Variants in MCHR2 observed in about 807,000 individuals in gnomAD.
MCHR2 encodes melanin-concentrating hormone receptor 2.
MCHR2 carries 15 observed loss-of-function variants against 24.8 expected under a neutral mutation model. The observed-to-expected ratio is 0.60, with a 90% CI of 0.40 to 0.93. The LOEUF (loss-of-function observed/expected upper bound fraction) is 0.93, where lower values mean the gene tolerates loss of function less well. MCHR2 is among the 40% of genes least tolerant of loss of function. MCHR2 has a pLI of 0.00. For missense variants in MCHR2, 386 were observed against 408.7 expected (o/e 0.94, Z 0.48); for synonymous variants, 151 against 147.6 (o/e 1.02, Z -0.17).
chr6:99,929,291 G>T (rs1285911392), intron 5 of MCHR2, among the ~76,000 whole-genome samples: 1 of 151,904 alleles, frequency 6.6e-6, no homozygotes, highest in East Asian at 1.9e-4. Flanking sequence ...GTGTGGTGTG[G>T]TGCTGAAAAA....
At chr6:99,958,231 G>A (rs1186033323) in intron 1 of MCHR2, among the ~76,000 whole-genome samples, 1 of 151,966 alleles carries the variant, frequency 6.6e-6, no homozygotes, top group African/African-American at 2.4e-5. Context: ...TTAGAGAAGT[G>A]AGGAAAGAAT....
At chr6:99,948,695 C>T (rs547741917) in intron 2 of MCHR2, among the ~76,000 whole-genome samples, 2 of 152,296 alleles carry the variant, frequency 1.3e-5, no homozygotes, top group South Asian at 2.1e-4. Context: ...GTTATACCAA[C>T]TTTAAATACA....
intron 1 of MCHR2, among the ~76,000 whole-genome samples, chr6:99,970,596 T>C (rs1775390470): frequency 6.6e-6 from 1 of 152,228 alleles, no homozygotes; most frequent in Admixed American, 6.5e-5. Flanking sequence ...TTGGCTTTTG[T>C]TGCCTTTGTT....
rs770957970 is a variant in MCHR2 at position 99,934,429 on chromosome 6, C to T, written c.676G>A (p.Glu226Lys). 5 of 1,601,496 alleles carry T rather than the reference C, an allele frequency of 3.1e-6. No homozygotes were observed. The East Asian group carries it at 6.8e-5, about 22-fold the overall frequency. ...GCATCCTTATTCTGTTGATACATCT[C>T]CCAAGTATAGCATAAAATTAAAATA... ...CYILILCYTW[E>K]MYQQNKDARC... The change falls in exon 5 of 6, where the codon GAG becomes AAG. Residue 226 changes from glutamate (E) to lysine (K), a missense_variant. By Grantham distance (56) the Glu-to-Lys change is moderately conservative. Transcript: ENST00000281806.
At chr6:99,949,177 A>G (rs754991571) in intron 2 of MCHR2, among the ~76,000 whole-genome samples, 1 of 152,226 alleles carries the variant, frequency 6.6e-6, no homozygotes, top group Non-Finnish European at 1.5e-5. Context: ...AGCACCAATT[A>G]CATGGCAGGC....
intron 1 of MCHR2, among the ~76,000 whole-genome samples, chr6:99,964,051 G>A (rs1272696926): frequency 6.6e-6 from 1 of 152,086 alleles, no homozygotes; most frequent in Non-Finnish European, 1.5e-5. Flanking sequence ...CTGAAGATAA[G>A]GAAAAGGCTA....
At chr6:99,924,023 A>T (rs1023354208) in intron 5 of MCHR2, among the ~76,000 whole-genome samples, 4 of 152,112 alleles carry the variant, frequency 2.6e-5, no homozygotes, top group Non-Finnish European at 5.9e-5. Context: ...GGATTCAATG[A>T]AGCCATTGGG....
At chr6:99,934,346 C>T in intron 5 of MCHR2, 52 bp downstream of exon 5, 1 of 1,489,682 alleles carries the variant, frequency 6.7e-7, no homozygotes, top group Non-Finnish European at 8.9e-7. Flanking sequence ...TTGTAGATGT[C>T]TTAGGCTATC....
chr6:99,991,697 C>T (rs766853512), intron 1 of MCHR2, among the ~76,000 whole-genome samples: 4 of 149,384 alleles, frequency 2.7e-5, no homozygotes, highest in Non-Finnish European at 5.9e-5. Context: ...GTCCCAGCTA[C>T]TCTGCAGGCT....
At chr6:99,983,691 C>A (rs922111079) in intron 1 of MCHR2, among the ~76,000 whole-genome samples, 1 of 152,024 alleles carries the variant, frequency 6.6e-6, no homozygotes, top group Non-Finnish European at 1.5e-5. Context: ...TCGAAACACT[C>A]TCTTCTCTTG....
In MCHR2 at chr6:99,947,787, TG is replaced by T; in HGVS notation, c.366del (p.Ile123SerfsTer2). 6.2e-7 allele frequency: 1 copy of T among 1,613,780 alleles called. No individual in the cohort carries two copies. The highest frequency in any genetic ancestry group is 8.5e-7 in the Non-Finnish European group (1 of 1,179,756). On this transcript the variant is annotated frameshift_variant, in exon 3 of 6. Transcript: ENST00000281806. LOFTEE classifies it high-confidence loss of function. ...LDTCNQFACSAIMTVMSVDRY... is the reference protein window; with the variant it reads ...LDTCNQFACSXIMTVMSVDRY... ...CTGTCCACACTCATTACAGTCATGA[TG>T]GCACTACAGGCAAATTGGTTACAAG...
chr6:99,960,878 T>C (rs1775170027), intron 1 of MCHR2, among the ~76,000 whole-genome samples: 1 of 152,070 alleles, frequency 6.6e-6, no homozygotes, highest in Non-Finnish European at 1.5e-5. Flanking sequence ...ATAAAAACCC[T>C]AGAAGAAAAC....
intron 1 of MCHR2, among the ~76,000 whole-genome samples, chr6:99,972,650 T>C (rs1321344727): frequency 2.6e-5 from 4 of 152,194 alleles, no homozygotes; most frequent in East Asian, 1.9e-4. Flanking sequence ...TTAATTGTGA[T>C]GTTAGGGTGT....
chr6:99,942,929 C>A lies in MCHR2; in HGVS notation c.587+20G>T. On this transcript the variant is annotated intron_variant, in intron 4 of 5. Transcript: ENST00000281806. ...TCACAACTTAATTCAACTCGTTTTT[C>A]TTAAGTTTTCACAACTTACCAGAGT... 1.9e-6 allele frequency: 3 copies of A among 1,574,060 alleles called. No individual in the cohort carries two copies. Among genetic ancestry groups the A allele is most frequent in the Non-Finnish European group, 2.6e-6 (3 of 1,157,274 alleles).
At chr6:99,940,828 A>G (rs987404568) in intron 4 of MCHR2, among the ~76,000 whole-genome samples, 13 of 152,004 alleles carry the variant, frequency 8.6e-5, no homozygotes, top group African/African-American at 3.1e-4. Flanking sequence ...TGAATGGGGG[A>G]AGTCCCAAAG....
At chr6:99,974,293 A>G (rs897961531) in intron 1 of MCHR2, among the ~76,000 whole-genome samples, 3 of 151,880 alleles carry the variant, frequency 2.0e-5, no homozygotes, top group African/African-American at 4.8e-5. Context: ...TTCCCTTCTC[A>G]CTTCATTTCA....
At chr6:99,978,728 C>G (rs1263186164) in intron 1 of MCHR2, among the ~76,000 whole-genome samples, 2 of 151,958 alleles carry the variant, frequency 1.3e-5, no homozygotes, top group Non-Finnish European at 2.9e-5. Context: ...CAAGACAGTT[C>G]TTTAGAAGAA....
intron 5 of MCHR2, among the ~76,000 whole-genome samples, chr6:99,930,114 A>T (rs1774479294): frequency 6.6e-6 from 1 of 151,802 alleles, no homozygotes; most frequent in African/African-American, 2.4e-5. Flanking sequence ...GTTTGGCTGG[A>T]TATGAAATTC....
intron 2 of MCHR2, among the ~76,000 whole-genome samples, chr6:99,949,783 T>C (rs935358811): frequency 5.3e-5 from 8 of 152,044 alleles, no homozygotes; most frequent in East Asian, 3.9e-4. Flanking sequence ...GAAAAGATCA[T>C]GTCAAACAAA....
Sources: gnomAD v4.1 joint callset for allele counts (sites outside exome capture counted in the v4.1 genomes callset) on GRCh38, gnomAD v4.1.1 for gene constraint, MANE v1.5 for transcripts, NCBI Gene and HGNC (gene_info 2026-07-23, HGNC 2026-07-21) for gene names.